IQCE: variants seen among roughly 807,000 people sequenced by gnomAD.
IQCE encodes the protein IQ domain-containing protein E.
IQCE carries 115 observed loss-of-function variants against 96.0 expected under a neutral mutation model. The ratio of observed to expected loss-of-function variants is 1.20; its 90% CI spans 1.03 to 1.40. The LOEUF is 1.40. IQCE is among the 40% of genes most tolerant of loss of function. IQCE has a pLI of 0.00. For missense variants in IQCE, 1,041 were observed against 909.1 expected, an observed-to-expected ratio of 1.15 and a Z score of -1.87; for synonymous variants, 412 against 371.2, an observed-to-expected ratio of 1.11 and a Z score of -1.26.
At chr7:2,563,929 G>T (rs1781170265) in intron 1 of IQCE, among the ~76,000 whole-genome samples, 1 of 147,576 alleles carries the variant, frequency 6.8e-6, no homozygotes, top group Non-Finnish European at 1.5e-5. Flanking sequence ...TCACTCATCA[G>T]CCGGGCACAG....
intron 1 of IQCE, among the ~76,000 whole-genome samples, chr7:2,560,801 C>CA (rs1780892084): frequency 6.6e-6 from 1 of 150,970 alleles, no homozygotes; most frequent in Non-Finnish European, 1.5e-5. Context: ...ACTACAAATA[C>CA]AAAAAATTAG....
rs187748110 is a variant in IQCE at position 2,591,306 on chromosome 7, G to A, written c.1244+1200G>A. On this transcript the variant is annotated intron_variant, in intron 14 of 21. Coordinates refer to ENST00000402050, the MANE Select transcript of IQCE (RefSeq NM_152558.5). ...CTATGAAATAGTTGGTGTGACCACAGGGCTGGGAAGGCAGGGCCTCACCGG... is the reference window on the plus strand; with the variant it reads ...CTATGAAATAGTTGGTGTGACCACAAGGCTGGGAAGGCAGGGCCTCACCGG... Among the ~76,000 whole-genome samples the A allele has an allele frequency of 2.4e-3, 367 of 152,174 alleles. 1 individual carries two copies. The highest frequency in any genetic ancestry group is 8.4e-3 in the African/African-American group (348 of 41,540).
intron 15 of IQCE, among the ~76,000 whole-genome samples, chr7:2,594,388 T>C (rs931149007): frequency 3.9e-5 from 6 of 152,232 alleles, no homozygotes; most frequent in Admixed American, 3.9e-4. Flanking sequence ...GTTTTGCCTT[T>C]AGTACCTGGA....
chr7:2,576,297 G>T (rs1056726874), intron 6 of IQCE, among the ~76,000 whole-genome samples: 1 of 152,220 alleles, frequency 6.6e-6, no homozygotes. Flanking sequence ...CAGCCTACAC[G>T]CTGTTTCTTT....
rs867559053 is a variant in IQCE at position 2,564,176 on chromosome 7, C to T, written c.37-2940C>T. 9.9e-5 allele frequency among the ~76,000 whole-genome samples: 15 copies of T among 152,112 alleles called. 1 individual carries two copies. Among genetic ancestry groups the T allele is most frequent in the Non-Finnish European group, 2.1e-4 (14 of 68,030 alleles). ...GTGGTGAGCCAAGATCATGCTATTGCACCCCAGCCTGGGCAACAGAGCAAG... is the reference window on the plus strand; with the variant it reads ...GTGGTGAGCCAAGATCATGCTATTGTACCCCAGCCTGGGCAACAGAGCAAG... On this transcript the variant is annotated intron_variant, in intron 1 of 21. Transcript: ENST00000402050.
chr7:2,606,499 G>A (rs1413485203), intron 20 of IQCE, among the ~76,000 whole-genome samples: 2 of 152,120 alleles, frequency 1.3e-5, no homozygotes, highest in African/African-American at 2.4e-5. Context: ...GAGCCTGGCC[G>A]GGGGGAGTTT....
chr7:2,578,313 C>A lies in IQCE; in HGVS notation c.537C>A (p.Ser179Arg). The change falls in exon 7 of 22, where the codon AGC (serine) becomes AGA (arginine). Residue 179 changes from serine (S) to arginine (R), a missense_variant. Ser to Arg is a moderately radical substitution (Grantham distance 110). Coordinates refer to ENST00000402050, the MANE Select transcript of IQCE (RefSeq NM_152558.5). ...TKLRRLEEEN[S>R]RKDRQIEQLL... ...TCCGGCGCCTGGAGGAGGAAAACAG[C>A]AGGAAGGACCGGCAGATAGAGCAGC... 1.9e-6 allele frequency: 3 copies of A among 1,614,064 alleles called. No homozygotes were observed. Among genetic ancestry groups the A allele is most frequent in the East Asian group, 2.2e-5 (1 of 44,884 alleles).
At position 2,607,211 on chromosome 7, in the gene IQCE, C is replaced by A. The variant is rs1312306891; in HGVS notation, c.1953C>A (p.Phe651Leu). ...ATHGDASSPPFLAALPDPSPS... is the reference protein window; with the variant it reads ...ATHGDASSPPLLAALPDPSPS... ...ACGGGGACGCCTCCTCCCCACCCTT[C>A]CTCGCAGCTCTTCCTGGTAATTTCA... Residue 651 changes from phenylalanine (F) to leucine (L), a missense_variant, in exon 21 of 22, where the codon TTC becomes TTA. Coordinates refer to ENST00000402050, the MANE Select transcript of IQCE (RefSeq NM_152558.5). 6.2e-7 allele frequency: 1 copy of A among 1,613,926 alleles called. No homozygotes were observed. Among genetic ancestry groups the A allele is most frequent in the Non-Finnish European group, 8.5e-7 (1 of 1,179,892 alleles).
intron 8 of IQCE, among the ~76,000 whole-genome samples, chr7:2,581,711 C>CCTTTTT (rs555502786): frequency 7.1e-6 from 1 of 140,210 alleles, no homozygotes. Flanking sequence ...AAAGAATGTT[C>CCTTTTT]TTTTTTTTTT....
intron 18 of IQCE, among the ~76,000 whole-genome samples, chr7:2,603,719 G>T (rs981068380): frequency 1.3e-5 from 2 of 152,200 alleles, no homozygotes; most frequent in African/African-American, 4.8e-5. Flanking sequence ...GTCGTTCACC[G>T]TTAATAGCCG....
At chr7:2,580,220 A>G (rs1782559124) in intron 8 of IQCE, 1 of 151,838 alleles carries the variant, frequency 6.6e-6, no homozygotes. Context: ...TGGAGGATTG[A>G]CCAGAATCAC....
Position 2,604,935 on chromosome 7 carries a change from T to C in IQCE, c.1687T>C (p.Leu563=), listed in dbSNP as rs777893601. The change falls in exon 19 of 22, where the codon TTA becomes CTA. Residue 563 remains leucine, a synonymous_variant. Transcript: ENST00000402050. The part of the protein sequence containing the change: ...FRGHLTRTKL[L]ASKAHGSEPP... ...GGGACATCTCACGCGGACAAAGCTC[T>C]TAGCAAGCAAAGCACATGGCTCAGA... is the stretch of plus-strand genomic sequence containing the variant. 6.2e-7 allele frequency: 1 copy of C among 1,613,720 alleles called. No homozygotes were observed. The highest frequency in any genetic ancestry group is 8.5e-7 in the Non-Finnish European group (1 of 1,179,950).
At chr7:2,592,964 C>T in intron 14 of IQCE, 58 bp from the exon 15 acceptor site, 2 of 1,535,562 alleles carry the variant, frequency 1.3e-6, no homozygotes, top group Admixed American at 1.8e-5. Flanking sequence ...TGCCTTCCTG[C>T]TCTGACATAA....
At chr7:2,578,626 G>A in intron 8 of IQCE, 100 bp downstream of exon 8, 1 of 1,320,182 alleles carries the variant, frequency 7.6e-7, no homozygotes. Context: ...CGCGTGAAGA[G>A]CAGCAGGCAG....
chr7:2,605,107 A>C (rs895560950), intron 19 of IQCE, 116 bp downstream of exon 19: 9 of 717,152 alleles, frequency 1.3e-5, no homozygotes, highest in Non-Finnish European at 2.4e-6. Flanking sequence ...CCCGCCCAGC[A>C]GGCGTCCCCT....
intron 1 of IQCE, among the ~76,000 whole-genome samples, chr7:2,564,177 A>G (rs1427691730): frequency 1.3e-5 from 2 of 151,932 alleles, no homozygotes; most frequent in Non-Finnish European, 2.9e-5. Flanking sequence ...ATGCTATTGC[A>G]CCCCAGCCTG....
rs374206897 is a variant in IQCE at position 2,589,355 on chromosome 7, G to A, written c.1045-552G>A. Among the ~76,000 whole-genome samples, 23 of 151,722 alleles carry A rather than the reference G, an allele frequency of 1.5e-4. 1 individual carries two copies. The highest frequency in any genetic ancestry group is 4.8e-4 in the African/African-American group (20 of 41,376). ...AGCCTAGGTGACAGAGCCAGACCCC[G>A]TCTCAAAAAAAAAGAAGAAAAGGTT... On this transcript the variant is annotated intron_variant, in intron 13 of 21. Transcript: ENST00000402050.
intron 9 of IQCE, 97 bp from the exon 10 acceptor site, chr7:2,583,540 G>A: frequency 1.2e-6 from 1 of 811,180 alleles, no homozygotes; most frequent in Non-Finnish European, 1.9e-6. Context: ...CTTTTCCAAA[G>A]CCTCTCCTCT....
intron 12 of IQCE, among the ~76,000 whole-genome samples, chr7:2,587,598 T>G (rs957489534): frequency 6.6e-6 from 1 of 152,008 alleles, no homozygotes; most frequent in Admixed American, 6.6e-5. Flanking sequence ...CCCGAGATGC[T>G]TGGAGGCTGT....
Sources: gnomAD v4.1 joint callset for allele counts (sites outside exome capture counted in the v4.1 genomes callset) on GRCh38, gnomAD v4.1.1 for gene constraint, MANE v1.5 for transcripts, NCBI Gene and HGNC (gene_info 2026-07-23, HGNC 2026-07-21) for gene names.